Variants in ANO6 observed in about 807,000 individuals in gnomAD.
ANO6 encodes the protein anoctamin 6.
ANO6 carries 106 observed loss-of-function variants against 117.5 expected under a neutral mutation model. The observed-to-expected ratio is 0.90, with a 90% CI of 0.77 to 1.06. The LOEUF (loss-of-function observed/expected upper bound fraction) is 1.06, where lower values mean the gene tolerates loss of function less well. ANO6 is among the 50% of genes least tolerant of loss of function. The pLI, the probability that ANO6 is intolerant of heterozygous loss-of-function variation, is 0.00. For missense variants in ANO6, 955 were observed against 1,121.1 expected, an observed-to-expected ratio of 0.85 and a Z score of 2.12; for synonymous variants, 367 against 385.1, an observed-to-expected ratio of 0.95 and a Z score of 0.55.
chr12:45,307,680 G>C (rs1368644638), intron 2 of ANO6, among the ~76,000 whole-genome samples: 1 of 152,066 alleles, frequency 6.6e-6, no homozygotes, highest in Non-Finnish European at 1.5e-5. Flanking sequence ...AGCAAGGAAA[G>C]GAGTGAGATA....
At chr12:45,306,402 C>T (rs1939670453) in intron 2 of ANO6, among the ~76,000 whole-genome samples, 1 of 151,872 alleles carries the variant, frequency 6.6e-6, no homozygotes, top group South Asian at 2.1e-4. Flanking sequence ...GATGAGAAAC[C>T]ATAGGATTTA....
intron 2 of ANO6, among the ~76,000 whole-genome samples, chr12:45,328,112 G>A (rs1366374644): frequency 6.6e-6 from 1 of 152,124 alleles, no homozygotes; most frequent in African/African-American, 2.4e-5. Flanking sequence ...GCTTCAGGAT[G>A]CATTTTCATC....
At chr12:45,221,028 A>G (rs1337353589) in intron 1 of ANO6, among the ~76,000 whole-genome samples, 1 of 151,344 alleles carries the variant, frequency 6.6e-6, no homozygotes, top group Non-Finnish European at 1.5e-5. Context: ...CCCAGGCAAA[A>G]CAACCTGGGG....
Position 45,218,186 on chromosome 12 carries a change from GTTAATA to G in ANO6, c.70+1799_70+1804del, listed in dbSNP as rs533990390. ...AAACTACTAATACTAATACTTTAGT[GTTAATA>G]TTAGTAGGGCATTTCCCACTATTCC... On this transcript the variant is annotated intron_variant, in intron 1 of 19. Transcript: ENST00000320560. 3.4e-3 allele frequency among the ~76,000 whole-genome samples: 510 copies of G among 152,136 alleles called. 3 individuals are homozygous for G. Among genetic ancestry groups the G allele is most frequent in the African/African-American group, 0.011 (462 of 41,504 alleles).
intron 1 of ANO6, among the ~76,000 whole-genome samples, chr12:45,232,288 T>G (rs1947584340): frequency 6.6e-6 from 1 of 152,196 alleles, no homozygotes; most frequent in Non-Finnish European, 1.5e-5. Context: ...TGTCAGGTGT[T>G]GTGTTAGGTA....
At chr12:45,255,818 GTT>G (rs551517877) in intron 1 of ANO6, among the ~76,000 whole-genome samples, 80 of 81,682 alleles carry the variant, frequency 9.8e-4, no homozygotes, top group Middle Eastern at 6.5e-3. Flanking sequence ...CTCCCTGGGT[GTT>G]TTTTTTTTTT....
chr12:45,355,987 A>G (rs1593006253), intron 7 of ANO6, among the ~76,000 whole-genome samples: 1 of 152,206 alleles, frequency 6.6e-6, no homozygotes, highest in African/African-American at 2.4e-5. Flanking sequence ...GAAGGCAGAA[A>G]TGAGTCATTC....
chr12:45,217,840 A>G (rs1947339710), intron 1 of ANO6, among the ~76,000 whole-genome samples: 1 of 152,220 alleles, frequency 6.6e-6, no homozygotes, highest in African/African-American at 2.4e-5. Flanking sequence ...TTCCCAGGAA[A>G]GTATTATTGT....
At chr12:45,221,567 G>C (rs1565628414) in intron 1 of ANO6, among the ~76,000 whole-genome samples, 1 of 152,138 alleles carries the variant, frequency 6.6e-6, no homozygotes, top group Admixed American at 6.5e-5. Context: ...AAGAGTGATA[G>C]GATTGGATTT....
At chr12:45,284,108 T>C (rs1280444908) in intron 1 of ANO6, among the ~76,000 whole-genome samples, 15 of 152,198 alleles carry the variant, frequency 9.9e-5, no homozygotes, top group Admixed American at 9.8e-4. Context: ...TTTTTATGCT[T>C]AGATTCAAGA....
At chr12:45,229,407 T>TG (rs1947538820) in intron 1 of ANO6, among the ~76,000 whole-genome samples, 1 of 149,760 alleles carries the variant, frequency 6.7e-6, no homozygotes, top group Admixed American at 6.6e-5. Context: ...TTTTTTTTTT[T>TG]GAGACAGTGT....
At chr12:45,356,631 G>A (rs1015050948) in intron 7 of ANO6, among the ~76,000 whole-genome samples, 1 of 152,066 alleles carries the variant, frequency 6.6e-6, no homozygotes, top group South Asian at 2.1e-4. Context: ...TCATCATAAA[G>A]GTCTTCATCC....
At chr12:45,321,569 T>C (rs1236227828) in intron 2 of ANO6, among the ~76,000 whole-genome samples, 1 of 152,208 alleles carries the variant, frequency 6.6e-6, no homozygotes, top group Non-Finnish European at 1.5e-5. Flanking sequence ...TCCTAAATTC[T>C]AATATTTGGT....
intron 1 of ANO6, among the ~76,000 whole-genome samples, chr12:45,225,736 G>A (rs183594533): frequency 2.6e-5 from 4 of 152,130 alleles, no homozygotes; most frequent in South Asian, 4.1e-4. Context: ...TTATCCTCCC[G>A]CCTCGGCCTT....
intron 1 of ANO6, among the ~76,000 whole-genome samples, chr12:45,242,277 C>A (rs1296382523): frequency 6.6e-6 from 1 of 152,252 alleles, no homozygotes; most frequent in Non-Finnish European, 1.5e-5. Context: ...CAAGCCTCAG[C>A]AATGGCAGAC....
At chr12:45,371,521 GGCAGA>G (rs200494994) in intron 9 of ANO6, among the ~76,000 whole-genome samples, 6,921 of 151,930 alleles carry the variant, frequency 0.046, 192 homozygotes, top group East Asian at 0.13. Context: ...TCTGAGAACA[GGCAGA>G]CTGCCTCCTC....
chr12:45,373,997 G>A (rs551168629), intron 9 of ANO6, among the ~76,000 whole-genome samples: 25 of 152,080 alleles, frequency 1.6e-4, no homozygotes, highest in Non-Finnish European at 2.5e-4. Context: ...TCAAAGAGAC[G>A]CAATAAAAAA....
chr12:45,241,015 A>T (rs1947734522), intron 1 of ANO6, among the ~76,000 whole-genome samples: 1 of 152,060 alleles, frequency 6.6e-6, no homozygotes, highest in Non-Finnish European at 1.5e-5. Flanking sequence ...GGTGAATCTG[A>T]CAATTATGTG....
Position 45,430,335 on chromosome 12 carries a change from T to C in ANO6, c.*1024T>C. The stretch of plus-strand genomic sequence containing the variant: ...CACTACACAGCCATTGGGGTACAAC[T>C]GTGTGCATGGGCAGAAACAGCAAGT... On this transcript the variant is annotated 3_prime_UTR_variant, in exon 20 of 20. Transcript: ENST00000320560. 2.0e-6 allele frequency: 2 copies of C among 985,440 alleles called. No homozygotes were observed. Among genetic ancestry groups the C allele is most frequent in the Non-Finnish European group, 2.4e-6 (2 of 829,942 alleles). The allele number at this position is 985,440 out of a possible 1,614,324, so 61.0% of individuals were successfully genotyped here. A position where few individuals can be genotyped will look rare whatever the true frequency, so the allele number is the denominator to read the frequency against.
Sources: gnomAD v4.1 joint callset for allele counts (sites outside exome capture counted in the v4.1 genomes callset) on GRCh38, gnomAD v4.1.1 for gene constraint, MANE v1.5 for transcripts, NCBI Gene and HGNC (gene_info 2026-07-23, HGNC 2026-07-21) for gene names.